ATF7IP: variants seen among roughly 807,000 people sequenced by gnomAD.
ATF7IP encodes the protein activating transcription factor 7-interacting protein 1.
Under a neutral mutation model 106.4 loss-of-function variants are expected in ATF7IP, and 23 were observed. The observed-to-expected ratio is 0.22, with a 90% CI of 0.16 to 0.31. The LOEUF (loss-of-function observed/expected upper bound fraction) is 0.31, where lower values mean the gene tolerates loss of function less well. ATF7IP is among the 10% of genes least tolerant of loss of function. The pLI is 1.00. For synonymous variants in ATF7IP, 542 were observed against 539.0 expected, an observed-to-expected ratio of 1.01 and a Z score of -0.08; for missense variants, 1,334 against 1,524.3, an observed-to-expected ratio of 0.88 and a Z score of 2.08.
In ATF7IP at chr12:14,473,288, C is replaced by CTGTATGTGTGTGTGTG. The variant is rs796814505; in HGVS notation, c.2863-2601_2863-2600insGTATGTGTGTGTGTGT. 6.9e-3 allele frequency among the ~76,000 whole-genome samples: 968 copies of CTGTATGTGTGTGTGTG among 140,396 alleles called. 25 individuals are homozygous for CTGTATGTGTGTGTGTG. The highest frequency in any genetic ancestry group is 0.02 in the African/African-American group (781 of 38,128). 92.1% of individuals were successfully genotyped at this position (140,396 alleles called of 152,430 possible). A position where few individuals can be genotyped will look rare whatever the true frequency, so the allele number is the denominator to read the frequency against. On this transcript the variant is annotated intron_variant, in intron 10 of 14. Coordinates refer to ENST00000261168, the MANE Select transcript of ATF7IP (RefSeq NM_018179.5). ...GCTTTTTAGCGCGCTCTCTCTCTCTCTCTGTGTGTGTGTGTGTGTGTGTGT... is the reference window on the plus strand; with the variant it reads ...GCTTTTTAGCGCGCTCTCTCTCTCTCTGTATGTGTGTGTGTGTCTGTGTGTGTGTGTGTGTGTGTGT...
At chr12:14,383,067 GAAAC>G (rs1031032776) in intron 1 of ATF7IP, among the ~76,000 whole-genome samples, 156 of 152,308 alleles carry the variant, frequency 1.0e-3, no homozygotes, top group African/African-American at 3.6e-3. Context: ...ATCAGACACA[GAAAC>G]AGAACCAATG....
chr12:14,385,252 C>A, intron 1 of ATF7IP: 1 of 681,864 alleles, frequency 1.5e-6, no homozygotes, highest in Middle Eastern at 2.5e-4. Context: ...TGTGTGAGTT[C>A]TTGAGTGCAC....
At chr12:14,418,718 G>A (rs1941336954) in intron 1 of ATF7IP, among the ~76,000 whole-genome samples, 1 of 152,086 alleles carries the variant, frequency 6.6e-6, no homozygotes, top group Admixed American at 6.5e-5. Context: ...CTTCCTTATT[G>A]CTTTGTCTGT....
Position 14,436,129 on chromosome 12 carries a change from T to C in ATF7IP, c.1669T>C (p.Ser557Pro). The change falls in exon 4 of 15, where the codon TCT becomes CCT. Residue 557 changes from serine to proline, a missense_variant. Physicochemically the swap from Ser to Pro is moderately conservative, Grantham distance 74 (BLOSUM62 -1). Transcript: ENST00000261168. ...AGATGAATTTTCTAGACGAAAACGTTCTAAATCAGAAGACATGGACAATGT... is the reference window on the plus strand; with the variant it reads ...AGATGAATTTTCTAGACGAAAACGTCCTAAATCAGAAGACATGGACAATGT... Reference protein sequence around the residue: ...EKNEFSRRKRSKSEDMDNVQS... With the variant: ...EKNEFSRRKRPKSEDMDNVQS... 6.2e-7 allele frequency: 1 copy of C among 1,613,046 alleles called. No homozygotes were observed. Among genetic ancestry groups the C allele is most frequent in the Non-Finnish European group, 8.5e-7 (1 of 1,179,574 alleles).
intron 13 of ATF7IP, among the ~76,000 whole-genome samples, chr12:14,486,985 C>G (rs951784870): frequency 1.3e-5 from 2 of 152,174 alleles, no homozygotes; most frequent in Non-Finnish European, 2.9e-5. Flanking sequence ...GTGACTGATT[C>G]ACTCTACCAT....
intron 1 of ATF7IP, among the ~76,000 whole-genome samples, chr12:14,390,522 G>A (rs573796694): frequency 6.6e-6 from 1 of 152,196 alleles, no homozygotes; most frequent in South Asian, 2.1e-4. Context: ...TCAACTTGAT[G>A]TTCTTAATGG....
chr12:14,437,202 A>G (rs1942443406), intron 4 of ATF7IP, among the ~76,000 whole-genome samples: 1 of 152,214 alleles, frequency 6.6e-6, no homozygotes, highest in Admixed American at 6.5e-5. Context: ...AGCTTTTCTT[A>G]GAGAGGAATA....
At chr12:14,481,212 C>T (rs1387756824) in intron 13 of ATF7IP, 27 bp downstream of exon 13, 1 of 1,610,008 alleles carries the variant, frequency 6.2e-7, no homozygotes. Flanking sequence ...GTATATGGCC[C>T]CAAGATACAT....
At chr12:14,479,787 T>C (rs1205145381) in intron 12 of ATF7IP, among the ~76,000 whole-genome samples, 1 of 152,104 alleles carries the variant, frequency 6.6e-6, no homozygotes, top group Non-Finnish European at 1.5e-5. Flanking sequence ...ACTTTATTTC[T>C]GGTGTGTAGA....
intron 13 of ATF7IP, among the ~76,000 whole-genome samples, chr12:14,487,523 A>G (rs1461933654): frequency 6.6e-6 from 1 of 152,266 alleles, no homozygotes; most frequent in Admixed American, 6.5e-5. Context: ...CAAAGTTGGA[A>G]AGACTGATGG....
intron 14 of ATF7IP, 74 bp from the exon 15 acceptor site, chr12:14,497,580 A>T: frequency 7.3e-7 from 1 of 1,371,098 alleles, no homozygotes. Flanking sequence ...ATGTTCTCTA[A>T]GGTGTTTTAA....
rs1221060862 is a variant in ATF7IP at position 14,499,271 on chromosome 12, A to G, written c.*1198A>G. On this transcript the variant is annotated 3_prime_UTR_variant, in exon 15 of 15. Coordinates refer to ENST00000261168, the MANE Select transcript of ATF7IP (RefSeq NM_018179.5). ...GGCGACAATCACATTTAACTCCAAA[A>G]ATTTGACGTGCTATTTTCTTCTAAA... 1 of 152,114 alleles carries G rather than the reference A, an allele frequency of 6.6e-6. No homozygotes were observed. The highest frequency in any genetic ancestry group is 1.9e-4 in the East Asian group (1 of 5,196). The allele number at this position is 152,114 out of a possible 1,614,324, so 9.4% of individuals were successfully genotyped here.
Position 14,436,219 on chromosome 12 carries a change from G to A in ATF7IP, c.1759G>A (p.Ala587Thr), listed in dbSNP as rs754071403. ...YEAEFQVKIT[A>T]KGDINQKLQK... ...GGCAGAATTTCAAGTAAAGATTACAGCCAAAGGAGACATTAACCAGAAACT... is the reference window on the plus strand; with the variant it reads ...GGCAGAATTTCAAGTAAAGATTACAACCAAAGGAGACATTAACCAGAAACT... The change falls in exon 4 of 15, where the codon GCC becomes ACC. Residue 587 changes from alanine (A) to threonine (T), a missense_variant. By Grantham distance (58) the Ala-to-Thr change is moderately conservative. Transcript: ENST00000261168. The A allele has an allele frequency of 1.2e-6, 2 of 1,613,478 alleles. No individual in the cohort carries two copies. The highest frequency in any genetic ancestry group is 1.1e-5 in the South Asian group (1 of 91,070).
intron 6 of ATF7IP, among the ~76,000 whole-genome samples, chr12:14,454,745 T>G (rs961333898): frequency 2.0e-5 from 3 of 152,214 alleles, no homozygotes; most frequent in Non-Finnish European, 4.4e-5. Context: ...TCTGACATGT[T>G]GCTGATCATA....
chr12:14,478,397 C>T lies in ATF7IP; in HGVS notation c.3022C>T (p.Pro1008Ser). The change falls in exon 12 of 15, where the codon CCA becomes TCA. Residue 1008 changes from proline (P) to serine (S), a missense_variant. Coordinates refer to ENST00000261168, the MANE Select transcript of ATF7IP (RefSeq NM_018179.5). ...GTCACGACCATTGCAACCCATACAA[C>T]CAGCACCGCCTCTTCAACCATCTGG... ...PVSRPLQPIQ[P>S]APPLQPSGVP... The T allele has an allele frequency of 1.9e-6, 3 of 1,614,098 alleles. No homozygotes were observed. The highest frequency in any genetic ancestry group is 8.5e-7 in the Non-Finnish European group (1 of 1,179,966).
At chr12:14,489,216 C>T (rs1269592582) in intron 13 of ATF7IP, among the ~76,000 whole-genome samples, 1 of 152,128 alleles carries the variant, frequency 6.6e-6, no homozygotes, top group East Asian at 1.9e-4. Flanking sequence ...TAATGGATCT[C>T]CTGTATTCCA....
In ATF7IP at chr12:14,457,292, A is replaced by G. The variant is rs1446020367; in HGVS notation, c.2155A>G (p.Thr719Ala). 6.2e-7 allele frequency: 1 copy of G among 1,600,306 alleles called. No homozygotes were observed. Residue 719 changes from threonine (T) to alanine (A), a missense_variant, in exon 8 of 15, where the codon ACA (threonine) becomes GCA (alanine). Around this residue, in one of 10 missense-constraint regions of ATF7IP, gnomAD observed 171 missense variants for 172.6 expected, o/e 0.99. Transcript: ENST00000261168. ...APPSFQTPVN[T>A]VSSTNLVTPP... is the part of the protein sequence containing the mutation. ...ACCATCCTTTCAAACTCCTGTGAAT[A>G]CAGGTAACTTTTTTTTTAAATACCA... is the stretch of plus-strand genomic sequence containing the variant.
At chr12:14,436,056 G>A in intron 3 of ATF7IP, 50 bp from the exon 4 acceptor site, 1 of 1,580,646 alleles carries the variant, frequency 6.3e-7, no homozygotes, top group Non-Finnish European at 8.6e-7. Flanking sequence ...TATGCATTAA[G>A]AGCTATAAGA....
At chr12:14,381,913 A>G (rs941599314) in intron 1 of ATF7IP, among the ~76,000 whole-genome samples, 1 of 151,212 alleles carries the variant, frequency 6.6e-6, no homozygotes. Context: ...CTGGCAAATG[A>G]TTACATTCTC....
Sources: allele counts gnomAD v4.1 joint callset (sites outside exome capture counted in the v4.1 genomes callset), GRCh38; gene constraint gnomAD v4.1.1; regional missense constraint gnomAD v4.1.1; transcripts MANE v1.5; gene names NCBI Gene and HGNC (gene_info 2026-07-23, HGNC 2026-07-21).